ACCS: variants seen among roughly 807,000 people sequenced by gnomAD.
The protein encoded by ACCS is 1-aminocyclopropane-1-carboxylate synthase homolog (inactive).
A neutral mutation model predicts 59.8 loss-of-function variants in ACCS; 42 were observed. The ratio of observed to expected loss-of-function variants is 0.70; its 90% CI spans 0.55 to 0.91. The LOEUF is 0.91. ACCS is among the 40% of genes least tolerant of loss of function. The pLI, the probability that ACCS is intolerant of heterozygous loss-of-function variation, is 0.00. For missense variants in ACCS, 602 were observed against 630.4 expected (o/e 0.95, Z 0.48); for synonymous variants, 230 against 240.3 (o/e 0.96, Z 0.40).
chr11:44,074,567 G>A (rs1953216422), intron 4 of ACCS, 45 bp from the exon 5 acceptor site: 1 of 1,507,868 alleles, frequency 6.6e-7, no homozygotes, highest in Non-Finnish European at 9.2e-7. Context: ...TGCACCGTGG[G>A]TTGGGGACCA....
At chr11:44,069,509 G>A (rs182095639) in intron 2 of ACCS, among the ~76,000 whole-genome samples, 2,147 of 152,266 alleles carry the variant, frequency 0.014, 54 homozygotes, top group African/African-American at 0.049. Context: ...GAGCCACCGC[G>A]CCTGGCCAAG....
intron 6 of ACCS, among the ~76,000 whole-genome samples, chr11:44,076,297 T>G (rs1175638168): frequency 6.6e-6 from 1 of 152,186 alleles, no homozygotes; most frequent in East Asian, 1.9e-4. Flanking sequence ...ATGAGAATAT[T>G]AGTAACATTT....
At position 44,071,242 on chromosome 11, in the gene ACCS, C is replaced by G. The variant is rs1341062997; in HGVS notation, c.289-14C>G. ...CTGCCATGCTAACTCTGCCTCTGTA[C>G]CTCTCATCTCCAGGGCATCATTAAC... On this transcript the variant is annotated splice_polypyrimidine_tract_variant and intron_variant, in intron 2 of 14. Transcript: ENST00000263776. 1 of 1,613,996 alleles carries G rather than the reference C, an allele frequency of 6.2e-7. No individual in the cohort carries two copies. Among genetic ancestry groups the G allele is most frequent in the Admixed American group, 1.7e-5 (1 of 60,008 alleles).
intron 2 of ACCS, among the ~76,000 whole-genome samples, chr11:44,068,289 T>C (rs1205217733): frequency 6.6e-6 from 1 of 152,174 alleles, no homozygotes; most frequent in African/African-American, 2.4e-5. Flanking sequence ...CCTTGAATCT[T>C]AAGTTATCTC....
intron 2 of ACCS, among the ~76,000 whole-genome samples, chr11:44,070,249 T>C (rs958213349): frequency 6.6e-6 from 1 of 152,046 alleles, no homozygotes; most frequent in Non-Finnish European, 1.5e-5. Flanking sequence ...TGGACTGCTG[T>C]ATGGAGATTT....
At chr11:44,079,061 T>C (rs1953513852) in intron 9 of ACCS, 1 of 449,264 alleles carries the variant, frequency 2.2e-6, no homozygotes. Flanking sequence ...ACAACAATGC[T>C]ATCATACAAT....
At chr11:44,069,681 G>A (rs1239923626) in intron 2 of ACCS, among the ~76,000 whole-genome samples, 1 of 152,224 alleles carries the variant, frequency 6.6e-6, no homozygotes, top group African/African-American at 2.4e-5. Flanking sequence ...GCAGGCTTCA[G>A]TCCTTCTCCA....
chr11:44,080,954 C>A, intron 10 of ACCS, 66 bp from the exon 11 acceptor site: 3 of 1,594,852 alleles, frequency 1.9e-6, no homozygotes, highest in South Asian at 2.2e-5. Context: ...TTCATTTGTT[C>A]AACCAAACAC....
intron 2 of ACCS, among the ~76,000 whole-genome samples, chr11:44,069,825 A>G (rs1489552921): frequency 6.6e-6 from 1 of 152,196 alleles, no homozygotes; most frequent in Non-Finnish European, 1.5e-5. Context: ...TAACTTTGGA[A>G]GTGACATCCC....
rs747423544 is a variant in ACCS, at chr11:44,077,272, C to A, written c.557-7C>A. The stretch of plus-strand genomic sequence containing the variant: ...AGTGACAGGCCCTCGCCCACTCCTG[C>A]CCCCAGAGGCTTTCCTGATCCCCAC... On this transcript the variant is annotated splice_region_variant and splice_polypyrimidine_tract_variant and intron_variant, in intron 6 of 14. Transcript: ENST00000263776. 1.2e-6 allele frequency: 2 copies of A among 1,612,878 alleles called. No homozygotes were observed. The highest frequency in any genetic ancestry group is 1.1e-5 in the South Asian group (1 of 90,830).
intron 8 of ACCS, chr11:44,078,193 G>C: frequency 2.2e-6 from 1 of 463,524 alleles, no homozygotes; most frequent in Non-Finnish European, 3.8e-6. Context: ...TGATCCATCT[G>C]ATTATGATTC....
intron 7 of ACCS, 55 bp from the exon 8 acceptor site, chr11:44,077,790 T>G: frequency 6.3e-7 from 1 of 1,595,752 alleles, no homozygotes; most frequent in South Asian, 1.1e-5. Flanking sequence ...CATATGTATT[T>G]TGGGGGGCAA....
At position 44,073,658 on chromosome 11, in the gene ACCS, C is replaced by T. The variant is rs908370423; in HGVS notation, c.419+141C>T. 7.8e-5 allele frequency: 62 copies of T among 796,234 alleles called. No individual in the cohort carries two copies. In the African/African-American group the frequency reaches 9.7e-4, roughly 12 times the overall value. The allele number at this position is 796,234 out of a possible 1,614,324, so 49.3% of individuals were successfully genotyped here. ...GTCAGGGATGCTGCCTAAAGTTCTA[C>T]AATGTACAGGACAGCCCCCACAATG... is the stretch of plus-strand genomic sequence containing the variant. On this transcript the variant is annotated intron_variant, in intron 4 of 14. Transcript: ENST00000263776.
At chr11:44,080,758 C>A in intron 10 of ACCS, 1 of 537,854 alleles carries the variant, frequency 1.9e-6, no homozygotes, top group Non-Finnish European at 3.3e-6. Flanking sequence ...GACATTTGAG[C>A]TAGGCTCTAG....
intron 1 of ACCS, 118 bp from the exon 2 acceptor site, chr11:44,067,510 A>C: frequency 9.1e-7 from 1 of 1,098,186 alleles, no homozygotes; most frequent in Non-Finnish European, 1.3e-6. Context: ...TGATGAGTGC[A>C]TAAACCTAAA....
At chr11:44,075,190 T>G (rs1953295119) in intron 5 of ACCS, among the ~76,000 whole-genome samples, 1 of 152,150 alleles carries the variant, frequency 6.6e-6, no homozygotes, top group African/African-American at 2.4e-5. Context: ...CACATAGTTT[T>G]GACTTGTTTC....
chr11:44,071,923 T>C (rs1953068683), intron 3 of ACCS, among the ~76,000 whole-genome samples: 1 of 152,212 alleles, frequency 6.6e-6, no homozygotes, highest in Admixed American at 6.5e-5. Context: ...TTTTTAAAAG[T>C]GGCTGTTTTT....
intron 10 of ACCS, 60 bp downstream of exon 10, chr11:44,079,680 A>G (rs1273434051): frequency 6.7e-7 from 1 of 1,501,640 alleles, no homozygotes; most frequent in Admixed American, 1.9e-5. Context: ...AGCCCTGGCC[A>G]CTTTCTGGCT....
chr11:44,069,855 T>C (rs1005938297), intron 2 of ACCS, among the ~76,000 whole-genome samples: 9 of 152,192 alleles, frequency 5.9e-5, no homozygotes, highest in African/African-American at 1.4e-4. Flanking sequence ...GCCTATTCTG[T>C]TAATTAGAAG....
Sources: allele counts gnomAD v4.1 joint callset (sites outside exome capture counted in the v4.1 genomes callset), GRCh38; gene constraint gnomAD v4.1.1; transcripts MANE v1.5; gene names NCBI Gene and HGNC (gene_info 2026-07-23, HGNC 2026-07-21).